Variants in RCOR3 observed in about 807,000 individuals in gnomAD.
The protein encoded by RCOR3 is REST corepressor 3.
Under a neutral mutation model 64.1 loss-of-function variants are expected in RCOR3, and 13 were observed. The ratio of observed to expected loss-of-function variants is 0.20; its 90% confidence interval spans 0.13 to 0.32. The LOEUF is 0.32. RCOR3 is among the 10% of genes least tolerant of loss of function. The pLI, the probability that RCOR3 is intolerant of heterozygous loss-of-function variation, is 1.00. For synonymous variants in RCOR3, 215 were observed against 239.0 expected, an observed-to-expected ratio of 0.90 and a Z score of 0.93; for missense variants, 489 against 701.2, an observed-to-expected ratio of 0.70 and a Z score of 3.42.
In RCOR3 at chr1:211,312,736, T is replaced by G. The variant is rs759350837; in HGVS notation, c.1092T>G (p.Gly364=). Reference sequence around the variant, plus strand: ...GCCTTCCAGGTGTCCGCAAATATGGTAAAGATTTTCAAGCTATTGCAGATG... The same window carrying G: ...GCCTTCCAGGTGTCCGCAAATATGGGAAAGATTTTCAAGCTATTGCAGATG... ...LLAVQGVRKY[G]KDFQAIADVI... The change falls in exon 11 of 12, where the codon GGT becomes GGG. Residue 364 remains glycine (G), a synonymous_variant. Coordinates refer to ENST00000419091, the MANE Select transcript of RCOR3 (RefSeq NM_001136223.3). The surrounding 1 kb of genome is among the most constrained non-coding windows in gnomAD (Gnocchi z 5.0). The G allele has an allele frequency of 4.3e-6, 7 of 1,613,966 alleles. No individual in the cohort carries two copies. Among genetic ancestry groups the G allele is most frequent in the Middle Eastern group, 3.3e-4 (2 of 6,084 alleles).
At chr1:211,289,138 G>A in intron 7 of RCOR3, 40 bp from the exon 8 acceptor site, 1 of 1,502,514 alleles carries the variant, frequency 6.7e-7, no homozygotes, top group Non-Finnish European at 9.3e-7. Flanking sequence ...ATACATTTGT[G>A]AAAACCAAGT....
intron 3 of RCOR3, 107 bp from the exon 4 acceptor site, chr1:211,274,103 T>A (rs1011427697): frequency 5.0e-6 from 3 of 605,650 alleles, no homozygotes; most frequent in African/African-American, 3.9e-5. Context: ...CTTTTTTTTT[T>A]ACCCTGGAAT....
At chr1:211,290,851 T>C (rs999822755) in intron 8 of RCOR3, among the ~76,000 whole-genome samples, 1 of 152,216 alleles carries the variant, frequency 6.6e-6, no homozygotes, top group Non-Finnish European at 1.5e-5. Flanking sequence ...GAAAATCATG[T>C]TAAGAAATTT....
chr1:211,305,789 A>ACCTTT (rs1179497366), intron 10 of RCOR3, among the ~76,000 whole-genome samples: 3 of 152,186 alleles, frequency 2.0e-5, no homozygotes, highest in African/African-American at 7.2e-5. Flanking sequence ...CATTCAAAGG[A>ACCTTT]AGAGCAGTGG....
rs757250088 is a variant in RCOR3 at position 211,259,608 on chromosome 1, A to G, written c.48A>G (p.Arg16=). The G allele has an allele frequency of 2.1e-5, 32 of 1,547,554 alleles. No individual in the cohort carries two copies. Among genetic ancestry groups the G allele is most frequent in the African/African-American group, 4.2e-5 (3 of 72,268 alleles). ...EKGPELLGKN[R]SANGSAKSPA... ...GGCCCGAGTTACTGGGGAAGAACCGATCGGCCAACGGCAGCGCCAAGAGCC... is the reference window on the plus strand; with the variant it reads ...GGCCCGAGTTACTGGGGAAGAACCGGTCGGCCAACGGCAGCGCCAAGAGCC... Residue 16 remains arginine (R), a synonymous_variant, in exon 1 of 12, where the codon CGA becomes CGG. Transcript: ENST00000419091.
chr1:211,313,943 TA>T lies in RCOR3; in HGVS notation c.*179del, dbSNP rs1192005143. 3.2e-6 allele frequency: 2 copies of T among 626,452 alleles called. No homozygotes were observed. Among genetic ancestry groups the T allele is most frequent in the East Asian group, 5.5e-5 (2 of 36,100 alleles). The allele number at this position is 626,452 out of a possible 1,614,324, so 38.8% of individuals were successfully genotyped here. On this transcript the variant is annotated 3_prime_UTR_variant, in exon 12 of 12. Coordinates refer to ENST00000419091, the MANE Select transcript of RCOR3 (RefSeq NM_001136223.3). This position sits in a 1 kb window ranked among gnomAD's most constrained non-coding sequence, Gnocchi z 4.7. ...TAAGAAATTTTTCAGTTCACTAGAC[TA>T]AAATGTTTTACAACAAAAAGCCTCC...
intron 10 of RCOR3, 130 bp downstream of exon 10, chr1:211,304,270 G>C (rs1014322825): frequency 3.5e-6 from 2 of 571,084 alleles, no homozygotes; most frequent in Middle Eastern, 5.0e-4. Context: ...CAAAGTCCTG[G>C]TGACCAGGAA....
intron 10 of RCOR3, among the ~76,000 whole-genome samples, chr1:211,306,548 T>C (rs1700870964): frequency 6.6e-6 from 1 of 152,156 alleles, no homozygotes; most frequent in African/African-American, 2.4e-5. Context: ...TAGAAGACTA[T>C]TACAGTGACC....
Position 211,295,773 on chromosome 1 carries a change from A to C in RCOR3, c.1017+20A>C. The stretch of plus-strand genomic sequence containing the variant: ...CCTGAGGTATGTTATTGAAGGATAC[A>C]TGTGATTAAGTATAGTGAAAACTTG... On this transcript the variant is annotated intron_variant, in intron 9 of 11. Transcript: ENST00000419091. 6.2e-7 allele frequency: 1 copy of C among 1,602,806 alleles called. No homozygotes were observed. The highest frequency in any genetic ancestry group is 8.5e-7 in the Non-Finnish European group (1 of 1,170,124).
rs1699698066 is a variant in RCOR3, at chr1:211,294,900, C to G, written c.940-776C>G. ...CACCGCACCCAGCCTTTTTTTAAGA[C>G]AGGGTCTTGCTTTGTCGCCTAGGCT... On this transcript the variant is annotated intron_variant, in intron 8 of 11. Coordinates refer to ENST00000419091, the MANE Select transcript of RCOR3 (RefSeq NM_001136223.3). 3.9e-5 allele frequency among the ~76,000 whole-genome samples: 6 copies of G among 152,086 alleles called. No homozygotes were observed. The South Asian group carries it at 1.2e-3, about 32-fold the overall frequency.
intron 7 of RCOR3, among the ~76,000 whole-genome samples, chr1:211,279,980 T>A (rs998669835): frequency 1.3e-5 from 2 of 152,228 alleles, no homozygotes; most frequent in South Asian, 2.1e-4. Context: ...CAGTTTCCAG[T>A]CTCACTGTAG....
intron 2 of RCOR3, among the ~76,000 whole-genome samples, chr1:211,263,045 C>T: frequency 7.8e-6 from 1 of 128,802 alleles, no homozygotes. Context: ...ACAACAGTCC[C>T]CAGAGTGTGA....
chr1:211,294,586 CTTTTTTTT>C (rs35962546), intron 8 of RCOR3, among the ~76,000 whole-genome samples: 84 of 88,036 alleles, frequency 9.5e-4, no homozygotes, highest in African/African-American at 3.3e-3. Context: ...TTCTTTCTTT[CTTTTTTTT>C]TTTTTTTTTT....
At chr1:211,308,698 T>TTTTTTTTTTTTGTGTGTG (rs1701171863) in intron 10 of RCOR3, among the ~76,000 whole-genome samples, 1 of 40,846 alleles carries the variant, frequency 2.4e-5, no homozygotes, top group African/African-American at 6.9e-5. Context: ...TTTTTTTTTT[T>TTTTTTTTTTTTGTGTGTG]TGTGTAGTCC....
intron 6 of RCOR3, 41 bp from the exon 7 acceptor site, chr1:211,279,197 A>G: frequency 7.0e-7 from 1 of 1,420,652 alleles, no homozygotes; most frequent in South Asian, 1.2e-5. Context: ...TAAAAAAAAA[A>G]AAAAAGGGAA....
intron 6 of RCOR3, 113 bp downstream of exon 6, chr1:211,278,354 C>T (rs1286313814): frequency 8.2e-7 from 1 of 1,215,306 alleles, no homozygotes; most frequent in South Asian, 1.4e-5. Context: ...CTTATTCTTA[C>T]ATTTATGTTT....
chr1:211,283,352 A>G (rs1267645393), intron 7 of RCOR3, among the ~76,000 whole-genome samples: 5 of 152,244 alleles, frequency 3.3e-5, no homozygotes, highest in Non-Finnish European at 7.3e-5. Context: ...ACTGAGTAAC[A>G]GGGTCCCAGG....
intron 8 of RCOR3, among the ~76,000 whole-genome samples, chr1:211,295,359 T>C (rs572888050): frequency 2.0e-5 from 3 of 152,178 alleles, no homozygotes; most frequent in East Asian, 1.9e-4. Context: ...CAAAACACTA[T>C]GGTAATGAGA....
chr1:211,262,314 T>TA (rs1694464409), intron 2 of RCOR3, among the ~76,000 whole-genome samples: 1 of 152,016 alleles, frequency 6.6e-6, no homozygotes, highest in African/African-American at 2.4e-5. Flanking sequence ...GGATTACAGG[T>TA]ATGAGCCATC....
Sources: allele counts gnomAD v4.1 joint callset (sites outside exome capture counted in the v4.1 genomes callset), GRCh38; gene constraint gnomAD v4.1.1; non-coding constraint Gnocchi (gnomAD v3.1); transcripts MANE v1.5; gene names NCBI Gene and HGNC (gene_info 2026-07-23, HGNC 2026-07-21).